TMEM132C: variants seen among roughly 807,000 people sequenced by gnomAD.
The protein encoded by TMEM132C is transmembrane protein 132C.
Under a neutral mutation model 61.4 loss-of-function variants are expected in TMEM132C, and 29 were observed. That is an observed-to-expected ratio of 0.47 (90% CI 0.35 to 0.64). The LOEUF is 0.64. TMEM132C is among the 30% of genes least tolerant of loss of function. TMEM132C has a pLI of 0.00. For synonymous variants in TMEM132C, 656 were observed against 633.1 expected (o/e 1.04, Z -0.54); for missense variants, 1,408 against 1,476.9 (o/e 0.95, Z 0.76).
intron 1 of TMEM132C, among the ~76,000 whole-genome samples, chr12:128,382,807 T>C (rs1874444910): frequency 2.0e-5 from 3 of 152,226 alleles, no homozygotes; most frequent in African/African-American, 7.2e-5. Context: ...ATCCTCTTGG[T>C]CTATGTTTCT....
chr12:128,619,336 C>T (rs1482388729), intron 4 of TMEM132C, among the ~76,000 whole-genome samples: 1 of 152,182 alleles, frequency 6.6e-6, no homozygotes, highest in Non-Finnish European at 1.5e-5. Context: ...AAGGAGAGAG[C>T]CACGGATAGG....
chr12:128,369,102 A>G (rs1873954794), intron 1 of TMEM132C, among the ~76,000 whole-genome samples: 1 of 152,212 alleles, frequency 6.6e-6, no homozygotes, highest in Admixed American at 6.5e-5. Flanking sequence ...TTTACTTTTT[A>G]TGACAGTGAC....
At chr12:128,407,388 A>C (rs1565927034) in intron 1 of TMEM132C, among the ~76,000 whole-genome samples, 1 of 152,204 alleles carries the variant, frequency 6.6e-6, no homozygotes, top group African/African-American at 2.4e-5. Flanking sequence ...TCTTCATAGC[A>C]GTATGAAAGT....
intron 5 of TMEM132C, among the ~76,000 whole-genome samples, chr12:128,680,025 T>C (rs1185535398): frequency 6.6e-6 from 1 of 151,976 alleles, no homozygotes; most frequent in South Asian, 2.1e-4. Context: ...GCTTTGCAAG[T>C]CCAAGGAACA....
At chr12:128,529,582 G>C (rs138881574) in intron 2 of TMEM132C, among the ~76,000 whole-genome samples, 13 of 152,260 alleles carry the variant, frequency 8.5e-5, no homozygotes, top group African/African-American at 2.9e-4. Context: ...TCAGGAGTTT[G>C]AGACCAGCCT....
chr12:128,634,197 C>T (rs1307897269), intron 4 of TMEM132C, among the ~76,000 whole-genome samples: 3 of 152,212 alleles, frequency 2.0e-5, no homozygotes, highest in Admixed American at 6.5e-5. Context: ...CCTCAGCCTC[C>T]TGAGTAGCTG....
At chr12:128,446,353 C>T (rs1331642158) in intron 2 of TMEM132C, among the ~76,000 whole-genome samples, 2 of 152,152 alleles carry the variant, frequency 1.3e-5, no homozygotes, top group Non-Finnish European at 2.9e-5. Flanking sequence ...GTGGCATGAG[C>T]CACAGACAAC....
At chr12:128,290,534 A>G (rs143315893) in intron 1 of TMEM132C, among the ~76,000 whole-genome samples, 1 of 152,222 alleles carries the variant, frequency 6.6e-6, no homozygotes, top group Non-Finnish European at 1.5e-5. Context: ...CATATCGGAC[A>G]CTGAAGATGT....
At chr12:128,392,380 T>C (rs1206465957) in intron 1 of TMEM132C, among the ~76,000 whole-genome samples, 4 of 152,228 alleles carry the variant, frequency 2.6e-5, no homozygotes, top group Admixed American at 6.5e-5. Flanking sequence ...TATATTCCAG[T>C]TTCTCAAATA....
chr12:128,683,124 A>T (rs1954648433), intron 5 of TMEM132C, among the ~76,000 whole-genome samples: 1 of 152,100 alleles, frequency 6.6e-6, no homozygotes, highest in Non-Finnish European at 1.5e-5. Context: ...AGATCTGATT[A>T]AGGCTGTCAT....
intron 2 of TMEM132C, among the ~76,000 whole-genome samples, chr12:128,448,957 G>A (rs530268767): frequency 2.0e-5 from 3 of 151,638 alleles, no homozygotes; most frequent in South Asian, 4.2e-4. Flanking sequence ...CTAACACGGC[G>A]AAACCCTGTC....
In TMEM132C at chr12:128,415,397, G is replaced by T. The variant is rs1009922915; in HGVS notation, c.751G>T (p.Ala251Ser). 6.5e-7 allele frequency: 1 copy of T among 1,550,354 alleles called. No individual in the cohort carries two copies. Among genetic ancestry groups the T allele is most frequent in the Non-Finnish European group, 8.7e-7 (1 of 1,145,906 alleles). The change falls in exon 2 of 9, where the codon GCC (alanine) becomes TCC (serine). Residue 251 changes from alanine (A) to serine (S), a missense_variant. Coordinates refer to ENST00000435159, the MANE Select transcript of TMEM132C (RefSeq NM_001136103.3). The surrounding 1 kb of genome is among the most constrained non-coding windows in gnomAD (Gnocchi z 5.8). ...CGGGGGTGACTTCAGGAAGGGCAAC[G>T]CCATCCGTCCAGGAAAGGATGGGCT... ...CAGGDFRKGN[A>S]IRPGKDGLEE...
At position 128,674,072 on chromosome 12, in the gene TMEM132C, A is replaced by G. The variant is rs138095229; in HGVS notation, c.1449+4512A>G. 5.6e-3 allele frequency among the ~76,000 whole-genome samples: 856 copies of G among 152,356 alleles called. 16 individuals carry two copies. The highest frequency in any genetic ancestry group is 0.02 in the African/African-American group (830 of 41,592). ...GTAAATTATACTAAGTTTGGCAACCATCACCATGATCCGATTTTATAACAT... is the reference window on the plus strand; with the variant it reads ...GTAAATTATACTAAGTTTGGCAACCGTCACCATGATCCGATTTTATAACAT... On this transcript the variant is annotated intron_variant, in intron 5 of 8. Coordinates refer to ENST00000435159, the MANE Select transcript of TMEM132C (RefSeq NM_001136103.3).
At chr12:128,549,244 T>C (rs1874069172) in intron 3 of TMEM132C, among the ~76,000 whole-genome samples, 1 of 152,020 alleles carries the variant, frequency 6.6e-6, no homozygotes, top group Non-Finnish European at 1.5e-5. Context: ...AGCAGCTCAT[T>C]ATCCTCTCAC....
chr12:128,569,677 C>G (rs868767801), intron 3 of TMEM132C, among the ~76,000 whole-genome samples: 12 of 152,246 alleles, frequency 7.9e-5, no homozygotes, highest in Middle Eastern at 6.8e-3. Flanking sequence ...TAAAACCTGA[C>G]AGGTAATTTG....
At chr12:128,607,492 C>T (rs1190262278) in intron 3 of TMEM132C, among the ~76,000 whole-genome samples, 1 of 152,108 alleles carries the variant, frequency 6.6e-6, no homozygotes, top group Non-Finnish European at 1.5e-5. Flanking sequence ...CCGAAATGGG[C>T]ATATCCCAGT....
Position 128,501,954 on chromosome 12 carries a change from G to C in TMEM132C, c.975-42003G>C, listed in dbSNP as rs78599509. On this transcript the variant is annotated intron_variant, in intron 2 of 8. Coordinates refer to ENST00000435159, the MANE Select transcript of TMEM132C (RefSeq NM_001136103.3). ...AGTCAGTAGTTCTGGGGAGGGGCCT[G>C]AGTACCAATCCTCTAAATTTCTGCC... 5.8e-3 allele frequency among the ~76,000 whole-genome samples: 877 copies of C among 152,328 alleles called. 9 individuals are homozygous for C. The highest frequency in any genetic ancestry group is 0.02 in the African/African-American group (811 of 41,560).
chr12:128,328,702 G>A (rs754109999), intron 1 of TMEM132C, among the ~76,000 whole-genome samples: 5 of 150,226 alleles, frequency 3.3e-5, no homozygotes, highest in Non-Finnish European at 7.4e-5. Flanking sequence ...TAGGAGACTC[G>A]CTTGAACCCG....
At chr12:128,272,532 A>C (rs1489119744) in intron 1 of TMEM132C, among the ~76,000 whole-genome samples, 1 of 152,224 alleles carries the variant, frequency 6.6e-6, no homozygotes, top group East Asian at 1.9e-4. Context: ...ACTAGCTAGG[A>C]TTGGGATTGC....
Sources: gnomAD v4.1 joint callset for allele counts (sites outside exome capture counted in the v4.1 genomes callset) on GRCh38, gnomAD v4.1.1 for gene constraint, Gnocchi (gnomAD v3.1) non-coding constraint, MANE v1.5 for transcripts, NCBI Gene and HGNC (gene_info 2026-07-23, HGNC 2026-07-21) for gene names.